Variants in TENM2 observed in about 807,000 individuals in gnomAD.
TENM2 encodes the protein teneurin-2.
Under a neutral mutation model 245.2 loss-of-function variants are expected in TENM2, and 52 were observed. The observed-to-expected ratio is 0.21, with a 90% CI of 0.17 to 0.27. TENM2 has a LOEUF of 0.27. TENM2 is among the 10% of genes least tolerant of loss of function. The pLI is 1.00. For missense variants in TENM2, 3,046 were observed against 3,666.8 expected (o/e 0.83, Z 4.37); for synonymous variants, 1,363 against 1,438.9 (o/e 0.95, Z 1.19).
At chr5:168,198,955 T>A in exon 16 of TENM2, 1 of 1,614,014 alleles carries the variant, frequency 6.2e-7, no homozygotes, top group Non-Finnish European at 8.5e-7. Context: ...GGAACAGCTT[T>A]TACGCCATGG....
At chr5:167,419,719 T>C (rs568097430) in intron 2 of TENM2, among the ~76,000 whole-genome samples, 1 of 152,326 alleles carries the variant, frequency 6.6e-6, no homozygotes, top group East Asian at 1.9e-4. Flanking sequence ...CTCATCACTT[T>C]CTGTATGTTT....
At chr5:167,470,022 G>A (rs1322210710) in intron 2 of TENM2, among the ~76,000 whole-genome samples, 1 of 151,938 alleles carries the variant, frequency 6.6e-6, no homozygotes, top group Non-Finnish European at 1.5e-5. Flanking sequence ...CTCTTTACGA[G>A]TTGAATAAAG....
At chr5:167,117,380 G>GTA in the TENM2 span, among the ~76,000 whole-genome samples, 1 of 152,192 alleles carries the variant, frequency 6.6e-6, no homozygotes. Context: ...GCGAGCACCT[G>GTA]TAGTCCCAGC....
chr5:167,089,942 G>T, the TENM2 span, among the ~76,000 whole-genome samples: 3 of 152,096 alleles, frequency 2.0e-5, no homozygotes, highest in Admixed American at 2.0e-4. Context: ...AGGCCTGGGT[G>T]CTCCTAGCTC....
At chr5:168,132,503 G>A (rs1034877348) in intron 12 of TENM2, among the ~76,000 whole-genome samples, 7 of 152,192 alleles carry the variant, frequency 4.6e-5, no homozygotes, top group African/African-American at 1.2e-4. Flanking sequence ...GATTTGTGTC[G>A]TACTCTGCGC....
At position 168,199,494 on chromosome 5, in the gene TENM2, C is replaced by G. The variant is rs549652981; in HGVS notation, c.3163-370C>G. Among the ~76,000 whole-genome samples the G allele has an allele frequency of 5.9e-5, 9 of 152,324 alleles. No homozygotes were observed. The South Asian group carries it at 1.9e-3, about 32-fold the overall frequency. ...ATTATTGCCTCCCTGTTGCTTTATA[C>G]GGATTGTCAGTGGAAGTTGTAGGTT... On this transcript the variant is annotated intron_variant, in intron 16 of 28. Coordinates refer to ENST00000518659, the Ensembl canonical transcript of TENM2.
chr5:168,233,309 A>C (rs530254304), intron 25 of TENM2, among the ~76,000 whole-genome samples: 1 of 152,084 alleles, frequency 6.6e-6, no homozygotes, highest in African/African-American at 2.4e-5. Context: ...CTGGCAGCAG[A>C]GTGAGACTCC....
At chr5:167,490,092 T>G (rs920448517) in intron 2 of TENM2, among the ~76,000 whole-genome samples, 2 of 152,170 alleles carry the variant, frequency 1.3e-5, no homozygotes, top group South Asian at 2.1e-4. Flanking sequence ...ATATGCTGAT[T>G]CTACAGATTT....
chr5:167,473,591 A>G (rs1767173799), intron 2 of TENM2, among the ~76,000 whole-genome samples: 1 of 152,024 alleles, frequency 6.6e-6, no homozygotes. Flanking sequence ...TCGATCTGCT[A>G]CTTGTTTCAT....
Position 167,781,635 on chromosome 5 carries a change from C to A in TENM2, c.503-94351C>A, listed in dbSNP as rs553446359. On this transcript the variant is annotated intron_variant, in intron 2 of 28. Coordinates refer to ENST00000518659, the Ensembl canonical transcript of TENM2. ...GAAAGTGATCAGGTGAGTATGTGGCCATTCTAAACTCAGGCTATAGGCCTC... is the reference window on the plus strand; with the variant it reads ...GAAAGTGATCAGGTGAGTATGTGGCAATTCTAAACTCAGGCTATAGGCCTC... 5.3e-5 allele frequency among the ~76,000 whole-genome samples: 8 copies of A among 152,134 alleles called. No individual in the cohort carries two copies. The East Asian group carries it at 1.5e-3, about 29-fold the overall frequency.
chr5:167,934,541 A>G (rs1332983867), intron 3 of TENM2, among the ~76,000 whole-genome samples: 2 of 152,208 alleles, frequency 1.3e-5, no homozygotes, highest in Non-Finnish European at 1.5e-5. Flanking sequence ...GAAAACAAGT[A>G]CCGATGTCAA....
At chr5:167,225,227 T>C in the TENM2 span, among the ~76,000 whole-genome samples, 31 of 152,184 alleles carry the variant, frequency 2.0e-4, 1 homozygote, top group East Asian at 6.0e-3. Flanking sequence ...AAAGTGGGCA[T>C]TCTTGTCTTG....
intron 2 of TENM2, among the ~76,000 whole-genome samples, chr5:167,848,814 G>A (rs926222067): frequency 3.3e-5 from 5 of 152,144 alleles, no homozygotes; most frequent in African/African-American, 7.2e-5. Flanking sequence ...GAGGCTAAAC[G>A]TCTTCCCCAC....
rs188699531 is a variant in TENM2 at position 168,070,217 on chromosome 5, G to A, written c.1515+7952G>A. Among the ~76,000 whole-genome samples the A allele has an allele frequency of 5.9e-5, 9 of 152,282 alleles. No individual in the cohort carries two copies. The East Asian group carries it at 7.7e-4, about 13-fold the overall frequency. Reference sequence around the variant, plus strand: ...TGTGTGCTTACATGTTTTTGTGTACGTATGAAAATTCAGTGTTCATTCTCA... The same window carrying A: ...TGTGTGCTTACATGTTTTTGTGTACATATGAAAATTCAGTGTTCATTCTCA... On this transcript the variant is annotated intron_variant, in intron 7 of 28. Transcript: ENST00000518659.
chr5:167,215,741 G>A, the TENM2 span, among the ~76,000 whole-genome samples: 1 of 152,192 alleles, frequency 6.6e-6, no homozygotes, highest in Non-Finnish European at 1.5e-5. Context: ...TGGTTGAAGG[G>A]CCAAAAGATA....
intron 2 of TENM2, among the ~76,000 whole-genome samples, chr5:167,624,008 T>C (rs1778345256): frequency 6.6e-6 from 1 of 152,064 alleles, no homozygotes; most frequent in African/African-American, 2.4e-5. Context: ...GGAAAGCAAT[T>C]TGGGGATTTC....
At chr5:168,213,647 A>C (rs1762952535) in intron 20 of TENM2, among the ~76,000 whole-genome samples, 1 of 151,668 alleles carries the variant, frequency 6.6e-6, no homozygotes, top group African/African-American at 2.4e-5. Flanking sequence ...CAACATAGTG[A>C]GACCCCATCT....
chr5:168,099,595 T>C (rs1055810306), intron 9 of TENM2, among the ~76,000 whole-genome samples: 7 of 152,248 alleles, frequency 4.6e-5, no homozygotes, highest in Admixed American at 1.3e-4. Context: ...GTGTGCTTTA[T>C]TAAAAGACCT....
At chr5:167,978,924 C>T (rs1165454967) in intron 4 of TENM2, among the ~76,000 whole-genome samples, 5 of 152,248 alleles carry the variant, frequency 3.3e-5, no homozygotes, top group African/African-American at 1.2e-4. Context: ...GAGAACCAGT[C>T]TCTTGCTCCA....
Sources: allele counts gnomAD v4.1 joint callset (sites outside exome capture counted in the v4.1 genomes callset), GRCh38; gene constraint gnomAD v4.1.1; transcripts MANE v1.5; gene names NCBI Gene and HGNC (gene_info 2026-07-23, HGNC 2026-07-21).